The following SMYD3 variants were observed in gnomAD, a reference collection of about 807,000 sequenced individuals.
SMYD3 encodes the protein histone-lysine N-methyltransferase SMYD3.
A neutral mutation model predicts 57.7 loss-of-function variants in SMYD3; 36 were observed. The ratio of observed to expected loss-of-function variants is 0.62; its 90% CI spans 0.48 to 0.82. The LOEUF (loss-of-function observed/expected upper bound fraction) is 0.82, where lower values mean the gene tolerates loss of function less well. Ranked by LOEUF, SMYD3 falls within the 40% of genes least tolerant of loss-of-function variation. The pLI, the probability that SMYD3 is intolerant of heterozygous loss-of-function variation, is 0.00. For missense variants in SMYD3, 515 were observed against 538.8 expected, an observed-to-expected ratio of 0.96 and a Z score of 0.44; for synonymous variants, 211 against 195.0, an observed-to-expected ratio of 1.08 and a Z score of -0.68.
At chr1:246,379,081 TACACACACACAC>T (rs34560740) in intron 1 of SMYD3, among the ~76,000 whole-genome samples, 5 of 130,518 alleles carry the variant, frequency 3.8e-5, no homozygotes, top group South Asian at 5.0e-4. Context: ...CACACATACA[TACACACACACAC>T]ACACACACAC....
At chr1:246,041,613 G>A (rs1372248626) in intron 5 of SMYD3, among the ~76,000 whole-genome samples, 1 of 152,108 alleles carries the variant, frequency 6.6e-6, no homozygotes, top group African/African-American at 2.4e-5. Flanking sequence ...GGTAAACTCA[G>A]CAATGTTCAT....
intron 10 of SMYD3, among the ~76,000 whole-genome samples, chr1:245,842,498 A>G (rs1391933338): frequency 1.3e-5 from 2 of 152,124 alleles, no homozygotes; most frequent in Admixed American, 6.5e-5. Context: ...GGAAACCACT[A>G]CTCAACAGGA....
intron 11 of SMYD3, among the ~76,000 whole-genome samples, chr1:245,753,920 T>C (rs1351731083): frequency 1.3e-5 from 2 of 152,226 alleles, no homozygotes; most frequent in Non-Finnish European, 2.9e-5. Context: ...CAGGCTGGTG[T>C]TGGGAAAAGC....
At chr1:245,778,365 C>T (rs1186774846) in intron 10 of SMYD3, among the ~76,000 whole-genome samples, 5 of 152,162 alleles carry the variant, frequency 3.3e-5, no homozygotes, top group African/African-American at 1.2e-4. Context: ...AATTGATTCA[C>T]ACAAATGTAG....
intron 10 of SMYD3, among the ~76,000 whole-genome samples, chr1:245,818,292 C>G (rs1299370926): frequency 6.6e-6 from 1 of 152,148 alleles, no homozygotes; most frequent in Non-Finnish European, 1.5e-5. Context: ...TCCAGCCAAA[C>G]TAAGCTTCAT....
At chr1:245,997,073 G>A (rs916750152) in intron 5 of SMYD3, among the ~76,000 whole-genome samples, 5 of 152,222 alleles carry the variant, frequency 3.3e-5, no homozygotes, top group Non-Finnish European at 5.9e-5. Context: ...GTCTGCTCTG[G>A]CTCTTAGGGC....
intron 5 of SMYD3, among the ~76,000 whole-genome samples, chr1:246,285,719 G>A (rs1041651874): frequency 6.6e-6 from 1 of 151,968 alleles, no homozygotes; most frequent in African/African-American, 2.4e-5. Flanking sequence ...CCACAGAATG[G>A]GAGAAAATCT....
At chr1:245,909,153 A>G (rs868773246) in intron 8 of SMYD3, among the ~76,000 whole-genome samples, 1 of 152,206 alleles carries the variant, frequency 6.6e-6, no homozygotes, top group Non-Finnish European at 1.5e-5. Flanking sequence ...AATTCAAAGC[A>G]TGATTAGAGA....
intron 5 of SMYD3, chr1:246,325,671 C>T (rs987438580): frequency 3.3e-5 from 5 of 152,138 alleles, no homozygotes; most frequent in Non-Finnish European, 7.4e-5. Context: ...TAGTAATTCA[C>T]ATTTTACATG....
At chr1:245,750,927 GACC>G in intron 11 of SMYD3, among the ~76,000 whole-genome samples, 1 of 152,310 alleles carries the variant, frequency 6.6e-6, no homozygotes, top group Non-Finnish European at 1.5e-5. Flanking sequence ...CCGAGGGCCA[GACC>G]CTGCACATCA....
intron 5 of SMYD3, among the ~76,000 whole-genome samples, chr1:246,091,072 G>A (rs1481070695): frequency 3.3e-5 from 5 of 152,248 alleles, no homozygotes; most frequent in East Asian, 3.9e-4. Context: ...ATCAGTAACA[G>A]GCATCCGTCA....
intron 5 of SMYD3, among the ~76,000 whole-genome samples, chr1:246,046,256 A>G (rs1338312010): frequency 6.6e-6 from 1 of 152,224 alleles, no homozygotes; most frequent in Non-Finnish European, 1.5e-5. Flanking sequence ...CTAGATTAAG[A>G]AAATGTGGCA....
At chr1:245,849,516 T>G (rs1446986294) in intron 10 of SMYD3, among the ~76,000 whole-genome samples, 1 of 152,166 alleles carries the variant, frequency 6.6e-6, no homozygotes, top group Non-Finnish European at 1.5e-5. Flanking sequence ...GAGAGTTCTC[T>G]AGAACCCAGT....
intron 1 of SMYD3, among the ~76,000 whole-genome samples, chr1:246,374,633 G>A (rs1023840374): frequency 6.6e-6 from 1 of 152,104 alleles, no homozygotes; most frequent in African/African-American, 2.4e-5. Flanking sequence ...CATAAGTTAT[G>A]GTGCTGCTGA....
Position 246,074,935 on chromosome 1 carries a change from C to T in SMYD3, c.532-144998G>A, listed in dbSNP as rs983048006. On this transcript the variant is annotated intron_variant, in intron 5 of 11. Transcript: ENST00000490107. ...CAATACACACACACACACACACACA[C>T]ACACACACACACACACTTCAGAGGA... Among the ~76,000 whole-genome samples, 51 of 98,728 alleles carry T rather than the reference C, an allele frequency of 5.2e-4. No individual in the cohort carries two copies. In the East Asian group the frequency reaches 9.6e-3, roughly 19 times the overall value. 64.8% of individuals were successfully genotyped at this position (98,728 alleles called of 152,430 possible).
intron 10 of SMYD3, among the ~76,000 whole-genome samples, chr1:245,798,383 C>CAT: frequency 7.4e-6 from 1 of 134,524 alleles, no homozygotes; most frequent in Non-Finnish European, 1.6e-5. Flanking sequence ...TGTCAACACA[C>CAT]ACACGCGCAC....
intron 5 of SMYD3, among the ~76,000 whole-genome samples, chr1:246,101,071 G>GTTTTTTTT (rs754724096): frequency 2.6e-4 from 14 of 54,104 alleles, no homozygotes; most frequent in East Asian, 5.4e-4. Flanking sequence ...GGGGTTTTTT[G>GTTTTTTTT]TTTTTTTTTT....
chr1:245,816,841 G>A (rs151281813), intron 10 of SMYD3, among the ~76,000 whole-genome samples: 1,630 of 152,186 alleles, frequency 0.011, 12 homozygotes, highest in African/African-American at 0.026. Flanking sequence ...TTTTCGGACC[G>A]GCCTAAAAAA....
intron 5 of SMYD3, among the ~76,000 whole-genome samples, chr1:246,257,897 G>T (rs2063927468): frequency 6.6e-6 from 1 of 152,174 alleles, no homozygotes; most frequent in Non-Finnish European, 1.5e-5. Flanking sequence ...TGCCTTGTAA[G>T]ACGGCTGCCC....
Sources: gnomAD v4.1 joint callset for allele counts (sites outside exome capture counted in the v4.1 genomes callset) on GRCh38, gnomAD v4.1.1 for gene constraint, MANE v1.5 for transcripts, NCBI Gene and HGNC (gene_info 2026-07-23, HGNC 2026-07-21) for gene names.